Variants in ZNF385D observed in about 807,000 individuals in gnomAD.
The protein encoded by ZNF385D is zinc finger protein 659.
ZNF385D carries 15 observed loss-of-function variants against 35.8 expected under a neutral mutation model. That is an observed-to-expected ratio of 0.42 (90% CI 0.28 to 0.64). ZNF385D has a LOEUF of 0.64. Ranked by LOEUF, ZNF385D falls within the 30% of genes least tolerant of loss-of-function variation. ZNF385D has a pLI of 0.23. For missense variants in ZNF385D, 474 were observed against 494.6 expected (o/e 0.96, Z 0.39); for synonymous variants, 212 against 186.8 (o/e 1.13, Z -1.10).
chr3:22,003,312 C>T (rs909706073), intron 3 of ZNF385D, among the ~76,000 whole-genome samples: 2 of 152,102 alleles, frequency 1.3e-5, no homozygotes, highest in Admixed American at 1.3e-4. Context: ...ATCAAGACCA[C>T]AATTTCATTT....
intron 3 of ZNF385D, among the ~76,000 whole-genome samples, chr3:22,156,440 A>C (rs895751830): frequency 1.1e-4 from 16 of 152,086 alleles, no homozygotes; most frequent in African/African-American, 3.6e-4. Flanking sequence ...TGCAATGCTC[A>C]GGATTGATTC....
intron 3 of ZNF385D, among the ~76,000 whole-genome samples, chr3:22,067,061 T>C (rs1044621233): frequency 1.3e-5 from 2 of 152,198 alleles, no homozygotes; most frequent in African/African-American, 2.4e-5. Context: ...GGAATTACTC[T>C]TTTAATGTTC....
At chr3:21,883,242 G>T (rs563729192) in intron 3 of ZNF385D, among the ~76,000 whole-genome samples, 2 of 151,864 alleles carry the variant, frequency 1.3e-5, no homozygotes, top group East Asian at 3.9e-4. Context: ...GTAAGAATTT[G>T]TGCCTAGGAA....
At chr3:21,437,245 G>T in intron 4 of ZNF385D, 42 bp from the exon 5 acceptor site, 3 of 1,535,146 alleles carry the variant, frequency 2.0e-6, no homozygotes, top group South Asian at 1.2e-5. Context: ...AAAAACAATG[G>T]TATTATCTTT....
At chr3:22,216,375 G>A (rs985045759) in intron 2 of ZNF385D, among the ~76,000 whole-genome samples, 9 of 151,992 alleles carry the variant, frequency 5.9e-5, no homozygotes, top group African/African-American at 1.9e-4. Context: ...CTATGGGAAC[G>A]CAGAAGACTG....
chr3:21,744,148 C>T (rs1212071810), intron 1 of ZNF385D, among the ~76,000 whole-genome samples: 1 of 152,172 alleles, frequency 6.6e-6, no homozygotes, highest in Non-Finnish European at 1.5e-5. Flanking sequence ...TTGTTTCAGT[C>T]ATCTGTGGCT....
chr3:21,570,854 T>C (rs952091214), intron 2 of ZNF385D, among the ~76,000 whole-genome samples: 10 of 152,192 alleles, frequency 6.6e-5, no homozygotes, highest in African/African-American at 2.4e-4. Flanking sequence ...GAAGTGACAC[T>C]GAGTGGAGAT....
intron 3 of ZNF385D, among the ~76,000 whole-genome samples, chr3:22,091,663 G>C (rs1419718841): frequency 6.6e-6 from 1 of 152,088 alleles, no homozygotes; most frequent in African/African-American, 2.4e-5. Flanking sequence ...TATTTCCTAA[G>C]TCAGTCCACA....
At chr3:22,173,250 T>A (rs1694588453) in intron 2 of ZNF385D, among the ~76,000 whole-genome samples, 2 of 152,140 alleles carry the variant, frequency 1.3e-5, no homozygotes, top group African/African-American at 2.4e-5. Flanking sequence ...GTATCCTGGA[T>A]GGGGCCTTGA....
chr3:21,566,455 G>A (rs1160126054), intron 2 of ZNF385D, among the ~76,000 whole-genome samples: 1 of 152,076 alleles, frequency 6.6e-6, no homozygotes, highest in East Asian at 1.9e-4. Flanking sequence ...GTGAAACCTT[G>A]TCTTTACTAA....
At chr3:21,624,741 C>T (rs551841324) in intron 2 of ZNF385D, among the ~76,000 whole-genome samples, 2 of 152,160 alleles carry the variant, frequency 1.3e-5, no homozygotes, top group East Asian at 1.9e-4. Flanking sequence ...TCCAGGAAAA[C>T]GTTGAGTCAG....
Position 21,417,966 on chromosome 3 carries a change from A to T in ZNF385D, c.*3248T>A, listed in dbSNP as rs929948250. 2 of 152,130 alleles carry T rather than the reference A, an allele frequency of 1.3e-5. No individual in the cohort carries two copies. Among genetic ancestry groups the T allele is most frequent in the Non-Finnish European group, 2.9e-5 (2 of 68,000 alleles). The allele number at this position is 152,130 out of a possible 1,614,324, so 9.4% of individuals were successfully genotyped here. A position where few individuals can be genotyped will look rare whatever the true frequency, so the allele number is the denominator to read the frequency against. ...GCCAAGTATGTTTGCTTATGTGAAT[A>T]AAAAAAGTACTCTTCAAAGTTGAGG... On this transcript the variant is annotated 3_prime_UTR_variant, in exon 8 of 8. Coordinates refer to ENST00000281523, the MANE Select transcript of ZNF385D (RefSeq NM_024697.3).
At chr3:22,339,828 C>A (rs949933400) in intron 2 of ZNF385D, among the ~76,000 whole-genome samples, 1 of 152,314 alleles carries the variant, frequency 6.6e-6, no homozygotes, top group Admixed American at 6.5e-5. Flanking sequence ...CTGCAGCCAG[C>A]TTTTGATACT....
At chr3:22,014,047 T>A (rs1449152774) in intron 3 of ZNF385D, among the ~76,000 whole-genome samples, 3 of 152,004 alleles carry the variant, frequency 2.0e-5, no homozygotes. Flanking sequence ...TACAGATACG[T>A]CAGGAATGGG....
chr3:21,911,416 G>A (rs1255318853), intron 3 of ZNF385D, among the ~76,000 whole-genome samples: 1 of 151,918 alleles, frequency 6.6e-6, no homozygotes, highest in Non-Finnish European at 1.5e-5. Context: ...CTGGGGAGAG[G>A]CTGGAGAAAT....
intron 3 of ZNF385D, among the ~76,000 whole-genome samples, chr3:21,865,057 T>G (rs1697273535): frequency 7.4e-6 from 1 of 135,392 alleles, no homozygotes; most frequent in Non-Finnish European, 1.6e-5. Flanking sequence ...TTTTTTTTTT[T>G]TTTTTTTTTT....
intron 2 of ZNF385D, among the ~76,000 whole-genome samples, chr3:22,370,726 GA>G (rs1696864695): frequency 6.6e-6 from 1 of 152,150 alleles, no homozygotes; most frequent in Non-Finnish European, 1.5e-5. Context: ...CTTGTCTACG[GA>G]ATGGAGATGG....
At chr3:22,211,576 G>C (rs1206472856) in intron 2 of ZNF385D, among the ~76,000 whole-genome samples, 1 of 152,000 alleles carries the variant, frequency 6.6e-6, no homozygotes, top group Non-Finnish European at 1.5e-5. Context: ...AAGGGCAACT[G>C]TATGTGTTCT....
At chr3:22,335,876 A>T (rs1389667) in intron 2 of ZNF385D, among the ~76,000 whole-genome samples, 3,396 of 152,198 alleles carry the variant, frequency 0.022, 121 homozygotes, top group African/African-American at 0.077. Context: ...TGTCTTCCAA[A>T]ATAAGAACAC....
Sources: gnomAD v4.1 joint callset for allele counts (sites outside exome capture counted in the v4.1 genomes callset) on GRCh38, gnomAD v4.1.1 for gene constraint, MANE v1.5 for transcripts, NCBI Gene and HGNC (gene_info 2026-07-23, HGNC 2026-07-21) for gene names.